Variants in ADCY5 observed in about 807,000 individuals in gnomAD.
ADCY5 encodes adenylate cyclase 5, also known as adenylate cyclase type 5.
Under a neutral mutation model 119.7 loss-of-function variants are expected in ADCY5, and 30 were observed. That is an observed-to-expected ratio of 0.25 (90% CI 0.19 to 0.34). The LOEUF is 0.34. Among genes scored for constraint, ADCY5 ranks in the 10% least tolerant of loss-of-function variants. The pLI is 1.00. For synonymous variants in ADCY5, 753 were observed against 762.2 expected (o/e 0.99, Z 0.20); for missense variants, 1,324 against 1,775.2 (o/e 0.75, Z 4.57).
intron 1 of ADCY5, among the ~76,000 whole-genome samples, chr3:123,377,812 C>A (rs1435864340): frequency 6.6e-6 from 1 of 151,852 alleles, no homozygotes; most frequent in Non-Finnish European, 1.5e-5. Flanking sequence ...TGCCTGTAGT[C>A]CCAGCTACTC....
intron 4 of ADCY5, 66 bp from the exon 5 acceptor site, chr3:123,331,082 A>G: frequency 6.5e-7 from 1 of 1,533,682 alleles, no homozygotes; most frequent in Non-Finnish European, 8.9e-7. Context: ...GAAAGAAACG[A>G]GAAGCAAAAA....
rs1938436766 is a variant in ADCY5, at chr3:123,282,474, A to G, written c.*2134T>C. ...TCACCAGTCACTGCTGGGATGGGAG[A>G]GGGGTCCCCATGGGGCCGGGAAGCC... On this transcript the variant is annotated 3_prime_UTR_variant, in exon 21 of 21. Coordinates refer to ENST00000462833, the MANE Select transcript of ADCY5 (RefSeq NM_183357.3). 1 of 152,328 alleles carries G rather than the reference A, an allele frequency of 6.6e-6. No homozygotes were observed. The highest frequency in any genetic ancestry group is 1.5e-5 in the Non-Finnish European group (1 of 68,156). The allele number at this position is 152,328 out of a possible 1,614,324, so 9.4% of individuals were successfully genotyped here.
In ADCY5 at chr3:123,413,660, C is replaced by T. The variant is rs556254115; in HGVS notation, c.1134+33752G>A. Among the ~76,000 whole-genome samples the T allele has an allele frequency of 6.6e-5, 10 of 152,336 alleles. No homozygotes were observed. In the South Asian group the frequency reaches 2.1e-3, roughly 32 times the overall value. On this transcript the variant is annotated intron_variant, in intron 1 of 20. Transcript: ENST00000462833. The stretch of plus-strand genomic sequence containing the variant: ...CTGCAGGCCCATCCAAGTCACTCTG[C>T]CTGGCCTGCTGTCAGTCTAACCTAA...
intron 1 of ADCY5, among the ~76,000 whole-genome samples, chr3:123,437,431 G>A (rs1201436284): frequency 6.6e-6 from 1 of 152,156 alleles, no homozygotes; most frequent in Non-Finnish European, 1.5e-5. Context: ...ATGCCCAGGG[G>A]ATATGGGCAG....
chr3:123,300,280 C>T lies in ADCY5; in HGVS notation c.2740G>A (p.Val914Met), dbSNP rs781580481. ...CNFPEYFTYS[V>M]LLSLLACSVF... ...GAGCAGGCCAGCAGGCTGAGCAGCA[C>T]GCTGTAGGTGAAGTACTGCGGGCAG... Residue 914 changes from valine (V) to methionine (M), a missense_variant, in exon 15 of 21, where the codon GTG (valine) becomes ATG (methionine). Val to Met is a conservative substitution (Grantham distance 21). Coordinates refer to ENST00000462833, the MANE Select transcript of ADCY5 (RefSeq NM_183357.3). 1.2e-5 allele frequency: 20 copies of T among 1,613,260 alleles called. No individual in the cohort carries two copies. The South Asian group carries it at 1.3e-4, about 11-fold the overall frequency.
chr3:123,300,442 T>C, intron 14 of ADCY5, 147 bp from the exon 15 acceptor site: 1 of 937,330 alleles, frequency 1.1e-6, no homozygotes, highest in South Asian at 1.7e-5. Context: ...AGGTGTGATA[T>C]AAAGTGAAGG....
At chr3:123,405,251 C>T (rs1465188115) in intron 1 of ADCY5, among the ~76,000 whole-genome samples, 1 of 152,254 alleles carries the variant, frequency 6.6e-6, no homozygotes, top group Non-Finnish European at 1.5e-5. Flanking sequence ...GACTCCAGCC[C>T]TCCGCCAGGC....
rs115559380 is a variant in ADCY5 at position 123,421,670 on chromosome 3, G to C, written c.1134+25742C>G. Among the ~76,000 whole-genome samples the C allele has an allele frequency of 2.7e-3, 417 of 152,294 alleles. 3 individuals carry two copies. The highest frequency in any genetic ancestry group is 9.5e-3 in the African/African-American group (394 of 41,568). On this transcript the variant is annotated intron_variant, in intron 1 of 20. Coordinates refer to ENST00000462833, the MANE Select transcript of ADCY5 (RefSeq NM_183357.3). Reference sequence around the variant, plus strand: ...TGGGCAAGTAAAGAGTAAAGGGCATGGGGGCACAGGACAGATGGAGCCCAC... The same window carrying C: ...TGGGCAAGTAAAGAGTAAAGGGCATCGGGGCACAGGACAGATGGAGCCCAC...
rs897662436 is a variant in ADCY5, at chr3:123,352,904, C to T, written c.1135-323G>A. On this transcript the variant is annotated intron_variant, in intron 1 of 20. Coordinates refer to ENST00000462833, the MANE Select transcript of ADCY5 (RefSeq NM_183357.3). The surrounding 1 kb of genome is among the most constrained non-coding windows in gnomAD (Gnocchi z 4.8). ...ACTGTGACAGAGCTGTGTGTGTGCT[C>T]GGGGCAGGAGGGCCACTGCAAGGAA... Among the ~76,000 whole-genome samples the T allele has an allele frequency of 3.3e-5, 5 of 152,064 alleles. No individual in the cohort carries two copies. Among genetic ancestry groups the T allele is most frequent in the African/African-American group, 9.7e-5 (4 of 41,386 alleles).
chr3:123,447,366 C>A, intron 1 of ADCY5, 46 bp downstream of exon 1: 2 of 1,462,094 alleles, frequency 1.4e-6, no homozygotes, highest in African/African-American at 1.4e-5. Flanking sequence ...CCAGCTGAGG[C>A]CTGCCCGCCC....
At chr3:123,304,557 C>G (rs1289738376) in intron 12 of ADCY5, among the ~76,000 whole-genome samples, 1 of 151,956 alleles carries the variant, frequency 6.6e-6, no homozygotes, top group Admixed American at 6.5e-5. Flanking sequence ...TCGTGGAGGG[C>G]TCAGAATGTT....
rs1942580395 is a variant in ADCY5 at position 123,346,648 on chromosome 3, T to C, written c.1406+1134A>G. Among the ~76,000 whole-genome samples, 5 of 148,584 alleles carry C rather than the reference T, an allele frequency of 3.4e-5. No homozygotes were observed. In the South Asian group the frequency reaches 1.1e-3, roughly 32 times the overall value. On this transcript the variant is annotated intron_variant, in intron 3 of 20. Coordinates refer to ENST00000462833, the MANE Select transcript of ADCY5 (RefSeq NM_183357.3). ...CTCTCTCTCTCTCTCTCTCTGTGTG[T>C]ATGTGTGTGTGTGTGTGAGAGAGAG...
At chr3:123,388,097 T>A (rs1017059830) in intron 1 of ADCY5, among the ~76,000 whole-genome samples, 2 of 152,150 alleles carry the variant, frequency 1.3e-5, no homozygotes, top group Non-Finnish European at 2.9e-5. Flanking sequence ...GAAGCCAGTA[T>A]TTTGGGCCAG....
chr3:123,389,342 C>T (rs1159014909), intron 1 of ADCY5, among the ~76,000 whole-genome samples: 2 of 152,088 alleles, frequency 1.3e-5, no homozygotes, highest in Non-Finnish European at 2.9e-5. Context: ...ATGTCTGGCC[C>T]AGGAGAGGAA....
chr3:123,292,663 T>C (rs534512191), intron 17 of ADCY5, among the ~76,000 whole-genome samples: 114 of 152,172 alleles, frequency 7.5e-4, no homozygotes, highest in African/African-American at 2.7e-3. Flanking sequence ...TCGCCATGAA[T>C]AAGGCTACCT....
At chr3:123,431,999 G>A (rs982656293) in intron 1 of ADCY5, among the ~76,000 whole-genome samples, 3 of 152,128 alleles carry the variant, frequency 2.0e-5, no homozygotes, top group Non-Finnish European at 4.4e-5. Context: ...ACGTACCTGG[G>A]CACCGGGATT....
chr3:123,359,801 C>G (rs184009734), intron 1 of ADCY5, among the ~76,000 whole-genome samples: 49 of 152,254 alleles, frequency 3.2e-4, no homozygotes, highest in African/African-American at 1.1e-3. Flanking sequence ...AGTCCTTTGT[C>G]GGTTTACAAA....
chr3:123,302,299 T>C (rs182027009), intron 14 of ADCY5, among the ~76,000 whole-genome samples: 1 of 152,314 alleles, frequency 6.6e-6, no homozygotes, highest in East Asian at 1.9e-4. Flanking sequence ...TATATGCTGT[T>C]TTCTGAATAA....
At chr3:123,410,927 C>T (rs1945028237) in intron 1 of ADCY5, among the ~76,000 whole-genome samples, 2 of 152,128 alleles carry the variant, frequency 1.3e-5, no homozygotes, top group South Asian at 4.1e-4. Context: ...GGATTACAGA[C>T]GTGAGCCATC....
Sources: gnomAD v4.1 joint callset for allele counts (sites outside exome capture counted in the v4.1 genomes callset) on GRCh38, gnomAD v4.1.1 for gene constraint, Gnocchi (gnomAD v3.1) non-coding constraint, MANE v1.5 for transcripts, NCBI Gene and HGNC (gene_info 2026-07-23, HGNC 2026-07-21) for gene names.